Variants in CYP11B2 observed in about 807,000 individuals in gnomAD.
The protein encoded by CYP11B2 is cytochrome P450 family 11 subfamily B member 2, also known as cytochrome P450 11B2, mitochondrial.
CYP11B2 carries 38 observed loss-of-function variants against 49.3 expected under a neutral mutation model. The observed-to-expected ratio is 0.77, with a 90% CI of 0.59 to 1.01. The LOEUF (loss-of-function observed/expected upper bound fraction) is 1.01, where lower values mean the gene tolerates loss of function less well. CYP11B2 is among the 50% of genes least tolerant of loss of function. The pLI, the probability that CYP11B2 is intolerant of heterozygous loss-of-function variation, is 0.00. For missense variants in CYP11B2, 669 were observed against 655.5 expected (o/e 1.02, Z -0.23); for synonymous variants, 290 against 269.3 (o/e 1.08, Z -0.75).
chr8:142,914,189 G>T, intron 5 of CYP11B2, 75 bp downstream of exon 5: 2 of 1,551,452 alleles, frequency 1.3e-6, no homozygotes, highest in Non-Finnish European at 1.8e-6. Flanking sequence ...TGGGTGCCGT[G>T]TGGCATTGGC....
chr8:142,915,118 T>G lies in CYP11B2; in HGVS notation c.523A>C (p.Lys175Gln), dbSNP rs1362015579. The change falls in exon 3 of 9, where the codon AAG becomes CAG. Residue 175 changes from lysine to glutamine, a missense_variant. Transcript: ENST00000323110. ...CTCCCCCGGGCGTTCTGCAGCACCTTCTTCTTCAGGGCCTGGGAGAAGTCC... is the reference window on the plus strand; with the variant it reads ...CTCCCCCGGGCGTTCTGCAGCACCTGCTTCTTCAGGGCCTGGGAGAAGTCC... ...ARDFSQALKK[K>Q]VLQNARGSLT... 3 of 1,613,616 alleles carry G rather than the reference T, an allele frequency of 1.9e-6. No individual in the cohort carries two copies. The highest frequency in any genetic ancestry group is 1.3e-5 in the African/African-American group (1 of 75,018).
chr8:142,911,993 C>CTGAAAG lies in CYP11B2; in HGVS notation c.1493_1498dup (p.Thr498_Phe499dup), dbSNP rs771996574. On this transcript the variant is annotated inframe_insertion, in exon 9 of 9. Transcript: ENST00000323110. ...GCAGATGCAAGACTAGTTAATCGCT[C>CTGAAAG]TGAAAGTGAGGAGGGGGGACGTGCC... 1 of 1,613,982 alleles carries CTGAAAG rather than the reference C, an allele frequency of 6.2e-7. No homozygotes were observed.
chr8:142,917,241 T>G, intron 1 of CYP11B2, 27 bp from the exon 2 acceptor site: 1 of 1,612,628 alleles, frequency 6.2e-7, no homozygotes, highest in Non-Finnish European at 8.5e-7. Flanking sequence ...GAGGCCCTGC[T>G]GGACGGGGTC....
chr8:142,916,917 C>T, intron 2 of CYP11B2, 142 bp downstream of exon 2: 2 of 1,342,940 alleles, frequency 1.5e-6, no homozygotes, highest in Non-Finnish European at 2.1e-6. Context: ...GGATGGCCGT[C>T]CTCTGGGCCG....
In CYP11B2 at chr8:142,914,374, G is replaced by T; in HGVS notation, c.844C>A (p.Arg282Ser). 2 of 1,613,352 alleles carry T rather than the reference G, an allele frequency of 1.2e-6. No individual in the cohort carries two copies. Reference sequence around the variant, plus strand: ...ACGATGCCTGTGTAGTGTTGAGGGCGGTTGAAGGCCAGTTCCTGGTAGATT... The same window carrying T: ...ACGATGCCTGTGTAGTGTTGAGGGCTGTTGAAGGCCAGTTCCTGGTAGATT... ...QKIYQELAFNRPQHYTGIVAE... is the reference protein window; with the variant it reads ...QKIYQELAFNSPQHYTGIVAE... Residue 282 changes from arginine (R) to serine (S), a missense_variant, in exon 5 of 9, where the codon CGC (arginine) becomes AGC (serine). Transcript: ENST00000323110.
intron 8 of CYP11B2, 68 bp from the exon 9 acceptor site, chr8:142,912,161 A>G (rs1217099432): frequency 9.9e-6 from 16 of 1,608,068 alleles, no homozygotes; most frequent in Admixed American, 8.5e-5. Flanking sequence ...GCTTCCTCCC[A>G]TCGTCCCAGG....
At chr8:142,914,180 G>C in intron 5 of CYP11B2, 84 bp downstream of exon 5, 1 of 1,498,006 alleles carries the variant, frequency 6.7e-7, no homozygotes, top group South Asian at 1.1e-5. Context: ...TGGGGAACGT[G>C]GGTGCCGTGT....
rs755632147 is a variant in CYP11B2, at chr8:142,917,181, C to T, written c.273G>A (p.Val91=). The T allele has an allele frequency of 6.2e-7, 1 of 1,614,052 alleles. No homozygotes were observed. The highest frequency in any genetic ancestry group is 1.3e-5 in the African/African-American group (1 of 74,932). The change falls in exon 2 of 9, where the codon GTG becomes GTA. Residue 91 remains valine (V), a synonymous_variant. Transcript: ENST00000323110. ...GCTTCTCCACATCCTCCGGCAGCAT[C>T]ACACACACCATGCGTGGTCCTCCCA... The part of the protein sequence containing the change: ...YNLGGPRMVC[V]MLPEDVEKLQ...
At position 142,912,077 on chromosome 8, in the gene CYP11B2, A is replaced by G. The variant is rs1198112266; in HGVS notation, c.1415T>C (p.Leu472Pro). The part of the protein sequence containing the change: ...LLLHHVLKHF[L>P]VETLTQEDIK... Reference sequence around the variant, plus strand: ...GTCCTCTTGAGTTAGTGTCTCCACCAGGAAGTGCTTCAGCACCTAGGACAG... The same window carrying G: ...GTCCTCTTGAGTTAGTGTCTCCACCGGGAAGTGCTTCAGCACCTAGGACAG... Residue 472 changes from leucine (L) to proline (P), a missense_variant, in exon 9 of 9, where the codon CTG (leucine) becomes CCG (proline). Physicochemically the swap from Leu to Pro is moderately conservative, Grantham distance 98. Coordinates refer to ENST00000323110, the MANE Select transcript of CYP11B2 (RefSeq NM_000498.3). 1 of 1,613,962 alleles carries G rather than the reference A, an allele frequency of 6.2e-7. No individual in the cohort carries two copies. The highest frequency in any genetic ancestry group is 8.5e-7 in the Non-Finnish European group (1 of 1,179,972).
chr8:142,913,954 T>C (rs377659839), intron 5 of CYP11B2: 1 of 538,574 alleles, frequency 1.9e-6, no homozygotes, highest in Non-Finnish European at 3.6e-6. Flanking sequence ...CTTCTCCTTG[T>C]ACACCCAGAG....
intron 8 of CYP11B2, 97 bp from the exon 9 acceptor site, chr8:142,912,190 G>C (rs1817548856): frequency 8.2e-6 from 13 of 1,578,918 alleles, no homozygotes; most frequent in Admixed American, 3.7e-5. Context: ...TTATGCTGAA[G>C]GGGGAGCAGC....
chr8:142,914,594 A>T (rs1817605349), intron 4 of CYP11B2, 111 bp downstream of exon 4: 1 of 1,447,290 alleles, frequency 6.9e-7, no homozygotes, highest in Admixed American at 2.0e-5. Context: ...GAAGGTGAGG[A>T]ATCCCCGACC....
chr8:142,912,196 G>A, intron 8 of CYP11B2, 103 bp from the exon 9 acceptor site: 1 of 1,559,040 alleles, frequency 6.4e-7, no homozygotes, highest in Admixed American at 1.9e-5. Context: ...TGAAGGGGGA[G>A]CAGCAGCCTG....
At chr8:142,912,389 C>A in intron 8 of CYP11B2, 141 bp downstream of exon 8, 1 of 1,004,676 alleles carries the variant, frequency 1.0e-6, no homozygotes, top group South Asian at 1.5e-5. Flanking sequence ...AGCACAGATC[C>A]TCCCTGGTCA....
Position 142,917,590 on chromosome 8 carries a change from G to A in CYP11B2, c.239+12C>T. On this transcript the variant is annotated intron_variant, in intron 1 of 8. Coordinates refer to ENST00000323110, the MANE Select transcript of CYP11B2 (RefSeq NM_000498.3). ...TCTGGGTGTTCCCAGCGAGGGCCAGGGAGGGCTTTACCTGAAAATGGGCCC... is the reference window on the plus strand; with the variant it reads ...TCTGGGTGTTCCCAGCGAGGGCCAGAGAGGGCTTTACCTGAAAATGGGCCC... The A allele has an allele frequency of 6.2e-7, 1 of 1,614,194 alleles. No homozygotes were observed. Among genetic ancestry groups the A allele is most frequent in the South Asian group, 1.1e-5 (1 of 91,082 alleles).
intron 6 of CYP11B2, 145 bp downstream of exon 6, chr8:142,913,140 C>T: frequency 1.0e-6 from 1 of 990,226 alleles, no homozygotes; most frequent in South Asian, 1.5e-5. Flanking sequence ...GCTCCCTGTC[C>T]TTGAGGGGGA....
At position 142,917,493 on chromosome 8, in the gene CYP11B2, G is replaced by T. The variant is rs61758589; in HGVS notation, c.239+109C>A. On this transcript the variant is annotated intron_variant, in intron 1 of 8. Transcript: ENST00000323110. ...ACTCCTTCCCCATCCTCCAAAGGAT[G>T]CAGAGTGCCGGGACCTGCTGGGAAT... 1,219 of 1,613,098 alleles carry T rather than the reference G, an allele frequency of 7.6e-4. 1 individual carries two copies. The highest frequency in any genetic ancestry group is 9.6e-4 in the Non-Finnish European group (1,134 of 1,179,486).
chr8:142,913,958 C>T, intron 5 of CYP11B2: 1 of 544,902 alleles, frequency 1.8e-6, no homozygotes, highest in Non-Finnish European at 3.5e-6. Context: ...TCCTTGTACA[C>T]CCAGAGCTTT....
chr8:142,916,789 G>T (rs1379301891), intron 2 of CYP11B2, among the ~76,000 whole-genome samples: 1 of 152,314 alleles, frequency 6.6e-6, no homozygotes, highest in Middle Eastern at 3.4e-3. Context: ...TTGGTGCAGA[G>T]CGGGTTCTCA....
Sources: gnomAD v4.1 joint callset for allele counts (sites outside exome capture counted in the v4.1 genomes callset) on GRCh38, gnomAD v4.1.1 for gene constraint, MANE v1.5 for transcripts, NCBI Gene and HGNC (gene_info 2026-07-23, HGNC 2026-07-21) for gene names.